ZNF891: variants seen among roughly 807,000 people sequenced by gnomAD.
ZNF891 encodes the protein hCG1646157.
For missense variants in ZNF891, 589 were observed against 632.7 expected, an observed-to-expected ratio of 0.93 and a Z score of 0.74; for synonymous variants, 199 against 209.0, an observed-to-expected ratio of 0.95 and a Z score of 0.41.
At chr12:133,124,736 AAT>A (rs1329878062) in intron 1 of ZNF891, among the ~76,000 whole-genome samples, 1 of 144,834 alleles carries the variant, frequency 6.9e-6, no homozygotes, top group African/African-American at 2.5e-5. Flanking sequence ...GACTGAGAGC[AAT>A]ATAAAAGGCC....
chr12:133,126,875 A>G (rs1489105106), intron 1 of ZNF891, among the ~76,000 whole-genome samples: 1 of 152,056 alleles, frequency 6.6e-6, no homozygotes, highest in East Asian at 1.9e-4. Flanking sequence ...AATAAATAAA[A>G]AAAGACCACT....
rs1355354552 is a variant in ZNF891 at position 133,121,648 on chromosome 12, C to G, written c.271G>C (p.Val91Leu). The G allele has an allele frequency of 6.5e-7, 1 of 1,536,280 alleles. No homozygotes were observed. Among genetic ancestry groups the G allele is most frequent in the South Asian group, 1.2e-5 (1 of 84,064 alleles). Residue 91 changes from valine to leucine, a missense_variant, in exon 2 of 2, where the codon GTG (valine) becomes CTG (leucine). Physicochemically the swap from Val to Leu is conservative, Grantham distance 32 (BLOSUM62 1). Coordinates refer to ENST00000537226, the MANE Select transcript of ZNF891 (RefSeq NM_001277291.2). ...TCTTCTTGATCCAATGGGGAGATCA[C>G]AGTAAGCCTGTACAACTGATATTCC... The part of the protein sequence containing the change: ...SVEYQLYRLT[V>L]ISPLDQEEIR...
rs1025289992 is a variant in ZNF891, at chr12:133,109,682, TAGCATTCTTATGCTAAA to T, written c.*10585_*10601del. The T allele has an allele frequency of 6.6e-6, 1 of 152,170 alleles. No homozygotes were observed. The highest frequency in any genetic ancestry group is 2.4e-5 in the African/African-American group (1 of 41,434). The allele number at this position is 152,170 out of a possible 1,614,324, so 9.4% of individuals were successfully genotyped here. ...GAATAAAAATAGAGGAAATTTACGG[TAGCATTCTTATGCTAAA>T]AGAAATAATTTTTCAGGCAGTATGA... is the stretch of plus-strand genomic sequence containing the variant. On this transcript the variant is annotated 3_prime_UTR_variant, in exon 2 of 2. Transcript: ENST00000537226.
chr12:133,106,680 G>A lies in ZNF891; in HGVS notation c.*13604C>T, dbSNP rs766335959. 2.0e-6 allele frequency: 3 copies of A among 1,512,798 alleles called. No homozygotes were observed. Among genetic ancestry groups the A allele is most frequent in the South Asian group, 1.3e-5 (1 of 75,546 alleles). The allele number at this position is 1,512,798 out of a possible 1,614,324, so 93.7% of individuals were successfully genotyped here. ...TACACTGCAAAGAAAAACTATGAAT[G>A]TATGGAATTTTTTAAAAAGAAGTAT... On this transcript the variant is annotated 3_prime_UTR_variant, in exon 2 of 2. Transcript: ENST00000537226.
In ZNF891 at chr12:133,105,535, AGACTTTTCACCAAAAAAT is replaced by A; in HGVS notation, c.*14731_*14748del. The A allele has an allele frequency of 6.2e-7, 1 of 1,609,494 alleles. No homozygotes were observed. Among genetic ancestry groups the A allele is most frequent in the Non-Finnish European group, 8.5e-7 (1 of 1,178,456 alleles). ...TTTCAGAGTCAAGTGGTGAGATCAAAGACTTTTCACCAAAAAATGTCATTTATGATGACTCATCCCAGT... is the reference window on the plus strand; with the variant it reads ...TTTCAGAGTCAAGTGGTGAGATCAAAGTCATTTATGATGACTCATCCCAGT... On this transcript the variant is annotated 3_prime_UTR_variant, in exon 2 of 2. Coordinates refer to ENST00000537226, the MANE Select transcript of ZNF891 (RefSeq NM_001277291.2).
chr12:133,117,195 C>T lies in ZNF891; in HGVS notation c.*3089G>A, dbSNP rs2137614595. 6.6e-6 allele frequency: 1 copy of T among 152,252 alleles called. No individual in the cohort carries two copies. Among genetic ancestry groups the T allele is most frequent in the South Asian group, 2.1e-4 (1 of 4,828 alleles). The allele number at this position is 152,252 out of a possible 1,614,324, so 9.4% of individuals were successfully genotyped here. A position where few individuals can be genotyped will look rare whatever the true frequency, so the allele number is the denominator to read the frequency against. On this transcript the variant is annotated 3_prime_UTR_variant, in exon 2 of 2. Coordinates refer to ENST00000537226, the MANE Select transcript of ZNF891 (RefSeq NM_001277291.2). ...ACCTTCCTCTTAGCAGATAATCTTA[C>T]CATGAAACCTATAATCATATATCTA...
At chr12:133,129,411 G>C (rs1955851517) in intron 1 of ZNF891, among the ~76,000 whole-genome samples, 1 of 148,936 alleles carries the variant, frequency 6.7e-6, no homozygotes, top group Middle Eastern at 3.5e-3. Context: ...TGAGGCAGAA[G>C]AATCACTTGA....
In ZNF891 at chr12:133,105,661, G is replaced by T; in HGVS notation, c.*14623C>A. On this transcript the variant is annotated 3_prime_UTR_variant, in exon 2 of 2. Coordinates refer to ENST00000537226, the MANE Select transcript of ZNF891 (RefSeq NM_001277291.2). ...GCTGGAAATGCAAGGATCATACTGAGATGCTGCAAGAAAATCAGGGATGTA... is the reference window on the plus strand; with the variant it reads ...GCTGGAAATGCAAGGATCATACTGATATGCTGCAAGAAAATCAGGGATGTA... 1 of 1,614,176 alleles carries T rather than the reference G, an allele frequency of 6.2e-7. No individual in the cohort carries two copies. Among genetic ancestry groups the T allele is most frequent in the Non-Finnish European group, 8.5e-7 (1 of 1,180,038 alleles).
chr12:133,111,170 A>C lies in ZNF891; in HGVS notation c.*9114T>G, dbSNP rs1380968848. The C allele has an allele frequency of 6.6e-6, 1 of 152,288 alleles. No individual in the cohort carries two copies. The highest frequency in any genetic ancestry group is 1.9e-4 in the East Asian group (1 of 5,182). 9.4% of individuals were successfully genotyped at this position (152,288 alleles called of 1,614,324 possible). A position where few individuals can be genotyped will look rare whatever the true frequency, so the allele number is the denominator to read the frequency against. On this transcript the variant is annotated 3_prime_UTR_variant, in exon 2 of 2. Transcript: ENST00000537226. ...GCAGGACATAGAAAAAGTGGCAAAA[A>C]GTGTAAAAAATTATCTGGTATGTTA...
At chr12:133,124,467 A>G (rs1028896440) in intron 1 of ZNF891, among the ~76,000 whole-genome samples, 4 of 152,278 alleles carry the variant, frequency 2.6e-5, no homozygotes, top group African/African-American at 7.2e-5. Context: ...CTGAAAGCCT[A>G]TATACCATGT....
At chr12:133,125,879 G>C (rs1955810573) in intron 1 of ZNF891, 3 of 500,632 alleles carry the variant, frequency 6.0e-6, no homozygotes, top group South Asian at 4.3e-5. Flanking sequence ...GCCTGATGGA[G>C]AGAAGAAGGC....
chr12:133,106,135 AG>A lies in ZNF891; in HGVS notation c.*14148del. 6.2e-7 allele frequency: 1 copy of A among 1,614,176 alleles called. No individual in the cohort carries two copies. Among genetic ancestry groups the A allele is most frequent in the South Asian group, 1.1e-5 (1 of 91,088 alleles). ...GTGGTAAAGCATTTAGCAGTGGCTC[AG>A]AACTCATTCGCCACCAGATTACACA... On this transcript the variant is annotated 3_prime_UTR_variant, in exon 2 of 2. Coordinates refer to ENST00000537226, the MANE Select transcript of ZNF891 (RefSeq NM_001277291.2).
rs1237285876 is a variant in ZNF891, at chr12:133,107,443, A to AT, written c.*12840dup. The AT allele has an allele frequency of 2.6e-5, 4 of 152,076 alleles. No individual in the cohort carries two copies. The highest frequency in any genetic ancestry group is 5.9e-5 in the Non-Finnish European group (4 of 68,008). 9.4% of individuals were successfully genotyped at this position (152,076 alleles called of 1,614,324 possible). A position where few individuals can be genotyped will look rare whatever the true frequency, so the allele number is the denominator to read the frequency against. ...TTTATTATAAACCTTCTGCTTGCTG[A>AT]TTTTTTCCCACAGCATGTGATTCTG... On this transcript the variant is annotated 3_prime_UTR_variant, in exon 2 of 2. Transcript: ENST00000537226.
In ZNF891 at chr12:133,111,084, T is replaced by C. The variant is rs988369502; in HGVS notation, c.*9200A>G. 6 of 152,164 alleles carry C rather than the reference T, an allele frequency of 3.9e-5. No homozygotes were observed. Among genetic ancestry groups the C allele is most frequent in the Non-Finnish European group, 7.3e-5 (5 of 68,038 alleles). The allele number at this position is 152,164 out of a possible 1,614,324, so 9.4% of individuals were successfully genotyped here. A position where few individuals can be genotyped will look rare whatever the true frequency, so the allele number is the denominator to read the frequency against. Reference sequence around the variant, plus strand: ...AGCAAAACCTGCCTATTGGGTATGATTGATTTGGAAGAAAGAGTCTGAGTC... The same window carrying C: ...AGCAAAACCTGCCTATTGGGTATGACTGATTTGGAAGAAAGAGTCTGAGTC... On this transcript the variant is annotated 3_prime_UTR_variant, in exon 2 of 2. Transcript: ENST00000537226.
Position 133,109,325 on chromosome 12 carries a change from T to G in ZNF891, c.*10959A>C, listed in dbSNP as rs1016879698. 6.6e-6 allele frequency: 1 copy of G among 152,192 alleles called. No homozygotes were observed. The highest frequency in any genetic ancestry group is 1.9e-4 in the East Asian group (1 of 5,206). 9.4% of individuals were successfully genotyped at this position (152,192 alleles called of 1,614,324 possible). ...CAATTTCAGTAGAGATCATAGGATCTTGGCATGGGAGGGGTTGGGTAAAAT... is the reference window on the plus strand; with the variant it reads ...CAATTTCAGTAGAGATCATAGGATCGTGGCATGGGAGGGGTTGGGTAAAAT... On this transcript the variant is annotated 3_prime_UTR_variant, in exon 2 of 2. Transcript: ENST00000537226.
chr12:133,110,080 CAAAAA>C lies in ZNF891; in HGVS notation c.*10199_*10203del, dbSNP rs1021522410. On this transcript the variant is annotated 3_prime_UTR_variant, in exon 2 of 2. Transcript: ENST00000537226. ...TGGGTGACAGAGCGAGACTCCGTCTCAAAAAAAAAGAAAACCTAGAATATTTATTT... is the reference window on the plus strand; with the variant it reads ...TGGGTGACAGAGCGAGACTCCGTCTCAAAAGAAAACCTAGAATATTTATTT... 1 of 149,806 alleles carries C rather than the reference CAAAAA, an allele frequency of 6.7e-6. No individual in the cohort carries two copies. The highest frequency in any genetic ancestry group is 2.1e-4 in the South Asian group (1 of 4,770). The allele number at this position is 149,806 out of a possible 1,614,324, so 9.3% of individuals were successfully genotyped here.
rs1479101538 is a variant in ZNF891 at position 133,108,634 on chromosome 12, C to G, written c.*11650G>C. On this transcript the variant is annotated 3_prime_UTR_variant, in exon 2 of 2. Coordinates refer to ENST00000537226, the MANE Select transcript of ZNF891 (RefSeq NM_001277291.2). ...CCTTTACAGAAAAACTTGGCCAACC[C>G]CTGACTACATCAAATCTTTGCCCTC... 1 of 152,220 alleles carries G rather than the reference C, an allele frequency of 6.6e-6. No homozygotes were observed. 9.4% of individuals were successfully genotyped at this position (152,220 alleles called of 1,614,324 possible).
chr12:133,120,877 ATT>A lies in ZNF891; in HGVS notation c.1040_1041del (p.Gln347LeufsTer2), dbSNP rs1462424707. ...LYKKSHMGEKQYECKECGKVF... is the reference protein window; with the variant it reads ...LYKKSHMGEKXYECKECGKVF... Reference sequence around the variant, plus strand: ...ACTTTACCACATTCTTTACATTCATATTGTTTCTCACCCATGTGACTTTTCTT... The same window carrying A: ...ACTTTACCACATTCTTTACATTCATAGTTTCTCACCCATGTGACTTTTCTT... On this transcript the variant is annotated frameshift_variant, in exon 2 of 2. Coordinates refer to ENST00000537226, the MANE Select transcript of ZNF891 (RefSeq NM_001277291.2). LOFTEE classifies it low-confidence loss of function (END_TRUNC). The A allele has an allele frequency of 1.3e-6, 2 of 1,541,772 alleles. No homozygotes were observed. The highest frequency in any genetic ancestry group is 2.4e-5 in the East Asian group (1 of 40,928).
rs137888266 is a variant in ZNF891 at position 133,106,092 on chromosome 12, A to T, written c.*14192T>A. 1.1e-4 allele frequency: 176 copies of T among 1,614,082 alleles called. No individual in the cohort carries two copies. In the East Asian group the frequency reaches 2.8e-3, roughly 26 times the overall value. On this transcript the variant is annotated 3_prime_UTR_variant, in exon 2 of 2. Coordinates refer to ENST00000537226, the MANE Select transcript of ZNF891 (RefSeq NM_001277291.2). ...CAAAGAATTCACATAGGAAAGAAAC[A>T]ATATATATGTAGGAAATGTGGTAAA...
Sources: gnomAD v4.1 joint callset for allele counts (sites outside exome capture counted in the v4.1 genomes callset) on GRCh38, gnomAD v4.1.1 for gene constraint, MANE v1.5 for transcripts, NCBI Gene and HGNC (gene_info 2026-07-23, HGNC 2026-07-21) for gene names.